Variants in C2 observed in about 807,000 individuals in gnomAD.
The protein encoded by C2 is C3/C5 convertase.
A neutral mutation model predicts 85.2 loss-of-function variants in C2; 64 were observed. The observed-to-expected ratio is 0.75, with a 90% confidence interval of 0.61 to 0.92. The LOEUF is 0.92. Ranked by LOEUF, C2 falls within the 40% of genes least tolerant of loss-of-function variation. C2 has a pLI of 0.00. For missense variants in C2, 820 were observed against 971.6 expected, an observed-to-expected ratio of 0.84 and a Z score of 2.07; for synonymous variants, 311 against 370.8, an observed-to-expected ratio of 0.84 and a Z score of 1.85.
At chr6:31,900,395 G>A (rs1367502223), upstream of C2, 6 of 1,544,788 alleles carry the variant, frequency 3.9e-6, no homozygotes, top group Non-Finnish European at 5.2e-6. The surrounding 1 kb of genome is among the most constrained non-coding windows in gnomAD (Gnocchi z 9.7). Context: ...CGCCCCCCGG[G>A]CAGCCATGGC....
Position 31,945,591 on chromosome 6 carries a change from C to A in C2, c.*234C>A. 3.4e-6 allele frequency: 2 copies of A among 593,882 alleles called. No homozygotes were observed. Among genetic ancestry groups the A allele is most frequent in the East Asian group, 2.8e-5 (1 of 35,998 alleles). The allele number at this position is 593,882 out of a possible 1,614,324, so 36.8% of individuals were successfully genotyped here. A position where few individuals can be genotyped will look rare whatever the true frequency, so the allele number is the denominator to read the frequency against. ...CTTGGCCTGTCCCCAGATTCCTTCC[C>A]TGGTTGACTTGACTCATGCTTGTTT... is the stretch of plus-strand genomic sequence containing the variant. On this transcript the variant is annotated 3_prime_UTR_variant, in exon 18 of 18. Coordinates refer to ENST00000299367, the MANE Select transcript of C2 (RefSeq NM_000063.6). This position sits in a 1 kb window ranked among gnomAD's most constrained non-coding sequence, Gnocchi z 5.3.
At chr6:31,924,707 A>C (rs497309), upstream of C2, among the ~76,000 whole-genome samples, 11,077 of 152,158 alleles carry the variant, frequency 0.073, 518 homozygotes, top group Non-Finnish European at 0.11. Context: ...AAGGCACCCA[A>C]AGTTTAGTGA....
upstream of C2, chr6:31,899,819 C>CT: frequency 8.1e-7 from 1 of 1,236,478 alleles, no homozygotes; most frequent in Non-Finnish European, 1.1e-6. Flanking sequence ...GCCTCCCACT[C>CT]TTACCTTTCT....
At chr6:31,934,660 A>G (rs1770259821) in intron 6 of C2, 2 of 1,282,398 alleles carry the variant, frequency 1.6e-6, no homozygotes, top group Admixed American at 3.7e-5. Context: ...TCAGATTAAT[A>G]ATTTAATATT....
At chr6:31,928,376 A>G (rs1769437205) in intron 2 of C2, among the ~76,000 whole-genome samples, 1 of 152,144 alleles carries the variant, frequency 6.6e-6, no homozygotes, top group African/African-American at 2.4e-5. Context: ...AAAGCCAGGG[A>G]TGACTTTTTA....
chr6:31,910,905 G>A (rs1209473813), intron 1 of C2, among the ~76,000 whole-genome samples: 3 of 151,932 alleles, frequency 2.0e-5, no homozygotes, highest in Non-Finnish European at 2.9e-5. Context: ...TCTTGAACCC[G>A]GGAGGCAGAG....
chr6:31,916,942 C>T (rs1250684685), upstream of C2, among the ~76,000 whole-genome samples: 3 of 145,278 alleles, frequency 2.1e-5, no homozygotes, highest in African/African-American at 7.7e-5. Flanking sequence ...GAGGCCGAGG[C>T]GGGTGGATTA....
chr6:31,937,052 A>G (rs1770473633), intron 7 of C2: 2 of 454,628 alleles, frequency 4.4e-6, no homozygotes, highest in African/African-American at 4.0e-5. Context: ...TACTAAAAAT[A>G]CAAAAAATTA....
At chr6:31,929,440 C>G (rs892606984) in intron 3 of C2, among the ~76,000 whole-genome samples, 1 of 152,100 alleles carries the variant, frequency 6.6e-6, no homozygotes, top group African/African-American at 2.4e-5. Flanking sequence ...TACAACAGCC[C>G]TGGAGTGCGG....
upstream of C2, among the ~76,000 whole-genome samples, chr6:31,922,941 C>G (rs138686101): frequency 6.1e-4 from 93 of 152,216 alleles, no homozygotes; most frequent in Middle Eastern, 3.4e-3. The surrounding 1 kb of genome is among the most constrained non-coding windows in gnomAD (Gnocchi z 4.8). Context: ...GGAATTGTAC[C>G]CTTGGAAGCA....
At chr6:31,931,200 C>T (rs192022099) in intron 3 of C2, among the ~76,000 whole-genome samples, 1 of 151,978 alleles carries the variant, frequency 6.6e-6, no homozygotes, top group East Asian at 1.9e-4. Context: ...CCATTCCCCT[C>T]CTGATGGACA....
At position 31,928,752 on chromosome 6, in the gene C2, G is replaced by C. The variant is rs1233157746; in HGVS notation, c.277G>C (p.Val93Leu). ...TCCAGCTGTGCGCTGTCCAGCCCCT[G>C]TCTCCTTTGAGAATGGCATTTATAC... ...VCKPVRCPAP[V>L]SFENGIYTPR... The change falls in exon 3 of 18, where the codon GTC (valine) becomes CTC (leucine). Residue 93 changes from valine (V) to leucine (L), a missense_variant. By Grantham distance (32) the Val-to-Leu change is conservative. Transcript: ENST00000299367. 6.2e-7 allele frequency: 1 copy of C among 1,614,188 alleles called. No individual in the cohort carries two copies. Among genetic ancestry groups the C allele is most frequent in the African/African-American group, 1.3e-5 (1 of 75,048 alleles).
chr6:31,944,614 C>T lies in C2; in HGVS notation c.1903-113C>T, dbSNP rs1298171130. The T allele has an allele frequency of 1.4e-5, 17 of 1,177,288 alleles. No individual in the cohort carries two copies. Among genetic ancestry groups the T allele is most frequent in the African/African-American group, 1.5e-5 (1 of 66,206 alleles). 72.9% of individuals were successfully genotyped at this position (1,177,288 alleles called of 1,614,324 possible). Reference sequence around the variant, plus strand: ...CAGGATGGTCTTGAACTCCTGACCTCAAGTGATCTGCCTGCCTCAACCTCC... The same window carrying T: ...CAGGATGGTCTTGAACTCCTGACCTTAAGTGATCTGCCTGCCTCAACCTCC... On this transcript the variant is annotated intron_variant, in intron 15 of 17. Transcript: ENST00000299367. This position sits in a 1 kb window ranked among gnomAD's most constrained non-coding sequence, Gnocchi z 5.1.
At chr6:31,932,458 C>G (rs6457461) in intron 3 of C2, 15 of 274,450 alleles carry the variant, frequency 5.5e-5, no homozygotes, top group African/African-American at 1.2e-4. Flanking sequence ...CGGGCAGAGA[C>G]GCTCCTCACA....
upstream of C2, among the ~76,000 whole-genome samples, chr6:31,926,609 G>C (rs1207086504): frequency 6.6e-6 from 1 of 151,700 alleles, no homozygotes; most frequent in Non-Finnish European, 1.5e-5. Context: ...TGGGATTACA[G>C]GCGTGAGTCA....
intron 1 of C2, among the ~76,000 whole-genome samples, chr6:31,905,042 A>G (rs1001144350): frequency 1.3e-5 from 2 of 152,162 alleles, no homozygotes; most frequent in South Asian, 2.1e-4. Context: ...TTCTTCCCCA[A>G]CTTCTGCCAG....
rs1268999302 is a variant in C2, at chr6:31,934,275, G to C, written c.825G>C (p.Glu275Asp). ...VSENDFLIFK[E>D]SASLMVDRIF... ...AAAATGACTTTCTCATCTTCAAGGA[G>C]AGCGCCTCCCTCATGGTGGACAGGG... The change falls in exon 6 of 18, where the codon GAG becomes GAC. Residue 275 changes from glutamate to aspartate, a missense_variant. By Grantham distance (45) the Glu-to-Asp change is conservative (BLOSUM62 2). Transcript: ENST00000299367. 1.2e-6 allele frequency: 2 copies of C among 1,614,112 alleles called. No individual in the cohort carries two copies. The highest frequency in any genetic ancestry group is 1.3e-5 in the African/African-American group (1 of 75,042).
intron 3 of C2, among the ~76,000 whole-genome samples, chr6:31,929,129 G>C (rs1769517401): frequency 6.6e-6 from 1 of 152,238 alleles, no homozygotes; most frequent in South Asian, 2.1e-4. Flanking sequence ...CTAAGCTTCA[G>C]ATGTAGCATA....
upstream of C2, among the ~76,000 whole-genome samples, chr6:31,917,841 G>A (rs1768657799): frequency 6.6e-6 from 1 of 152,024 alleles, no homozygotes; most frequent in African/African-American, 2.4e-5. Context: ...GGGAGGCGGA[G>A]GTTGCAGTGA....
Sources: gnomAD v4.1 joint callset for allele counts (sites outside exome capture counted in the v4.1 genomes callset) on GRCh38, gnomAD v4.1.1 for gene constraint, Gnocchi (gnomAD v3.1) non-coding constraint, MANE v1.5 for transcripts, NCBI Gene and HGNC (gene_info 2026-07-23, HGNC 2026-07-21) for gene names.